The following CNNM2 variants were observed in gnomAD, a reference collection of about 807,000 sequenced individuals.
The protein encoded by CNNM2 is cyclin and CBS domain divalent metal cation transport mediator 2, also known as metal transporter CNNM2.
CNNM2 carries 12 observed loss-of-function variants against 66.9 expected under a neutral mutation model. The observed-to-expected ratio is 0.18, with a 90% CI of 0.11 to 0.29. The LOEUF (loss-of-function observed/expected upper bound fraction) is 0.29, where lower values mean the gene tolerates loss of function less well. Among genes scored for constraint, CNNM2 ranks in the 10% least tolerant of loss-of-function variants. The pLI is 1.00. For synonymous variants in CNNM2, 557 were observed against 501.8 expected (o/e 1.11, Z -1.47); for missense variants, 705 against 1,167.7 (o/e 0.60, Z 5.77).
intron 1 of CNNM2, among the ~76,000 whole-genome samples, chr10:102,958,269 G>A (rs1380002368): frequency 6.6e-6 from 1 of 151,928 alleles, no homozygotes; most frequent in Admixed American, 6.6e-5. Context: ...TTTTCTAACT[G>A]TGTTGAATAA....
intron 4 of CNNM2, 149 bp from the exon 5 acceptor site, chr10:103,068,480 C>T (rs1181838199): frequency 2.9e-6 from 2 of 694,592 alleles, no homozygotes; most frequent in East Asian, 2.7e-5. Context: ...CCCCTCCTCT[C>T]AGTGGGAAAG....
At chr10:103,065,145 T>G (rs904536948) in intron 4 of CNNM2, among the ~76,000 whole-genome samples, 2 of 152,216 alleles carry the variant, frequency 1.3e-5, no homozygotes, top group African/African-American at 4.8e-5. Context: ...CCGCCCTTGC[T>G]TAATCAGTTG....
At chr10:103,025,709 T>G (rs1278940691) in intron 1 of CNNM2, among the ~76,000 whole-genome samples, 1 of 152,218 alleles carries the variant, frequency 6.6e-6, no homozygotes, top group Admixed American at 6.5e-5. Context: ...GAGTTTTCAC[T>G]TCAAGTGGAA....
At chr10:102,967,013 T>A (rs1232109434) in intron 1 of CNNM2, among the ~76,000 whole-genome samples, 2 of 152,184 alleles carry the variant, frequency 1.3e-5, no homozygotes, top group African/African-American at 4.8e-5. Context: ...TCTGGTGTGA[T>A]CCAGCTCACT....
chr10:103,032,947 G>A (rs550885186), intron 1 of CNNM2, among the ~76,000 whole-genome samples: 14 of 151,372 alleles, frequency 9.2e-5, no homozygotes, highest in Non-Finnish European at 2.1e-4. Context: ...GTGAAACCCT[G>A]TCACTACAAA....
intron 1 of CNNM2, among the ~76,000 whole-genome samples, chr10:103,026,712 A>G (rs1590416565): frequency 6.6e-6 from 1 of 151,812 alleles, no homozygotes; most frequent in Non-Finnish European, 1.5e-5. Context: ...ATAGCAGTCT[A>G]TTAGACAAAA....
At chr10:102,929,126 G>A (rs564357014) in intron 1 of CNNM2, among the ~76,000 whole-genome samples, 1 of 152,278 alleles carries the variant, frequency 6.6e-6, no homozygotes, top group South Asian at 2.1e-4. Flanking sequence ...CGGGCGTGGT[G>A]GCATGTGCCT....
intron 1 of CNNM2, among the ~76,000 whole-genome samples, chr10:102,948,508 G>A (rs1846703025): frequency 6.6e-6 from 1 of 152,162 alleles, no homozygotes; most frequent in Non-Finnish European, 1.5e-5. Flanking sequence ...GTGTGTGCAT[G>A]TTGAGGGGTA....
rs2065710277 is a variant in CNNM2, at chr10:103,077,444, A to T, written c.*264A>T. On this transcript the variant is annotated 3_prime_UTR_variant, in exon 8 of 8. Coordinates refer to ENST00000369878, the MANE Select transcript of CNNM2 (RefSeq NM_017649.5). ...ATTCCGCCCAAATAGAATCATGTTTATTTTTTCAGCTCTCCCTTTTATCAT... is the reference window on the plus strand; with the variant it reads ...ATTCCGCCCAAATAGAATCATGTTTTTTTTTTCAGCTCTCCCTTTTATCAT... The T allele has an allele frequency of 4.4e-6, 2 of 453,036 alleles. No individual in the cohort carries two copies. Among genetic ancestry groups the T allele is most frequent in the Non-Finnish European group, 7.9e-6 (2 of 253,288 alleles). The allele number at this position is 453,036 out of a possible 1,614,324, so 28.1% of individuals were successfully genotyped here.
chr10:102,943,623 C>G (rs1455798502), intron 1 of CNNM2, among the ~76,000 whole-genome samples: 1 of 152,190 alleles, frequency 6.6e-6, no homozygotes, highest in Non-Finnish European at 1.5e-5. Context: ...TCATTACCAA[C>G]TACTACTGTA....
chr10:102,960,322 C>A (rs1037750903), intron 1 of CNNM2, among the ~76,000 whole-genome samples: 1 of 152,148 alleles, frequency 6.6e-6, no homozygotes, highest in Non-Finnish European at 1.5e-5. Flanking sequence ...CTGGTACCTA[C>A]TGTGCAGATC....
chr10:102,972,402 C>T lies in CNNM2; in HGVS notation c.1621+52301C>T, dbSNP rs188407521. Among the ~76,000 whole-genome samples the T allele has an allele frequency of 1.2e-4, 19 of 152,042 alleles. No individual in the cohort carries two copies. In the East Asian group the frequency reaches 2.5e-3, roughly 20 times the overall value. ...CTGTAATCCCAGCACTTTGGGAGGC[C>T]GAGGCAGGCGAATCACGAGGTCAGG... On this transcript the variant is annotated intron_variant, in intron 1 of 7. Coordinates refer to ENST00000369878, the MANE Select transcript of CNNM2 (RefSeq NM_017649.5).
At chr10:102,977,588 A>G (rs1229865333) in intron 1 of CNNM2, among the ~76,000 whole-genome samples, 1 of 152,164 alleles carries the variant, frequency 6.6e-6, no homozygotes, top group Non-Finnish European at 1.5e-5. Flanking sequence ...TGGGAGGCCA[A>G]GGTGGGTGGA....
chr10:102,980,483 T>C (rs539928588), intron 1 of CNNM2, among the ~76,000 whole-genome samples: 1 of 152,114 alleles, frequency 6.6e-6, no homozygotes, highest in African/African-American at 2.4e-5. Flanking sequence ...TTATCCAAGC[T>C]GGTCTCGAAC....
chr10:103,019,443 C>G lies in CNNM2; in HGVS notation c.1622-30264C>G, dbSNP rs117636977. Among the ~76,000 whole-genome samples, 2,454 of 152,208 alleles carry G rather than the reference C, an allele frequency of 0.016. 38 individuals are homozygous for G. The highest frequency in any genetic ancestry group is 0.021 in the Non-Finnish European group (1,429 of 68,000). On this transcript the variant is annotated intron_variant, in intron 1 of 7. Coordinates refer to ENST00000369878, the MANE Select transcript of CNNM2 (RefSeq NM_017649.5). ...AGCAAGTGGGGACAGTGAATAGAGA[C>G]AGCTCTCCTAAGGCTTTTGGTGTAA...
chr10:102,984,003 G>A lies in CNNM2; in HGVS notation c.1621+63902G>A, dbSNP rs755200183. Among the ~76,000 whole-genome samples, 8 of 150,118 alleles carry A rather than the reference G, an allele frequency of 5.3e-5. No individual in the cohort carries two copies. Among genetic ancestry groups the A allele is most frequent in the Admixed American group, 1.3e-4 (2 of 15,114 alleles). On this transcript the variant is annotated intron_variant, in intron 1 of 7. Transcript: ENST00000369878. ...ACTCCTGACTTCAGGTGATCCACCC[G>A]CCTTGGCCTCCCAAAGTGCTGGGAT...
Position 102,925,736 on chromosome 10 carries a change from G to C in CNNM2, c.1621+5635G>C, listed in dbSNP as rs17725614. 0.31 allele frequency among the ~76,000 whole-genome samples: 47,650 copies of C among 152,050 alleles called. 7,580 individuals are homozygous for C. Among genetic ancestry groups the C allele is most frequent in the Middle Eastern group, 0.37 (109 of 292 alleles). ...GGTCTCGTGATTTTCCTGTCAATAT[G>C]TTAGATGCCCTGGATTCAAGCAATT... is the stretch of plus-strand genomic sequence containing the variant. On this transcript the variant is annotated intron_variant, in intron 1 of 7. Coordinates refer to ENST00000369878, the MANE Select transcript of CNNM2 (RefSeq NM_017649.5).
intron 1 of CNNM2, among the ~76,000 whole-genome samples, chr10:102,960,927 C>T (rs946421914): frequency 2.7e-5 from 4 of 149,188 alleles, no homozygotes; most frequent in African/African-American, 9.9e-5. Flanking sequence ...GAGTTTCGCT[C>T]TTGTTGTCCA....
chr10:102,974,739 C>T (rs970404221), intron 1 of CNNM2, among the ~76,000 whole-genome samples: 3 of 151,996 alleles, frequency 2.0e-5, no homozygotes, highest in East Asian at 1.9e-4. Flanking sequence ...GTCTCACCAT[C>T]GAGCCCAGGC....
Sources: allele counts gnomAD v4.1 joint callset (sites outside exome capture counted in the v4.1 genomes callset), GRCh38; gene constraint gnomAD v4.1.1; transcripts MANE v1.5; gene names NCBI Gene and HGNC (gene_info 2026-07-23, HGNC 2026-07-21).